The following SUMF1 variants were observed in gnomAD, a reference collection of about 807,000 sequenced individuals.
The protein encoded by SUMF1 is sulfatase modifying factor 1, also known as formylglycine-generating enzyme.
A neutral mutation model predicts 47.6 loss-of-function variants in SUMF1; 48 were observed. The ratio of observed to expected loss-of-function variants is 1.01; its 90% CI spans 0.80 to 1.28. The LOEUF (loss-of-function observed/expected upper bound fraction) is 1.28, where lower values mean the gene tolerates loss of function less well. Among genes scored for constraint, SUMF1 ranks in the 50% most tolerant of loss-of-function variants. SUMF1 has a pLI of 0.00. For synonymous variants in SUMF1, 230 were observed against 192.1 expected (o/e 1.20, Z -1.63); for missense variants, 571 against 485.4 (o/e 1.18, Z -1.66).
chr3:4,364,002 T>C (rs1267390498), intron 8 of SUMF1, among the ~76,000 whole-genome samples: 1 of 139,572 alleles, frequency 7.2e-6, no homozygotes, highest in Non-Finnish European at 1.5e-5. Context: ...TTGTCTTTGG[T>C]TCTGTTTATA....
intron 8 of SUMF1, among the ~76,000 whole-genome samples, chr3:4,349,277 C>G (rs1353308820): frequency 6.6e-6 from 1 of 152,106 alleles, no homozygotes; most frequent in Non-Finnish European, 1.5e-5. Context: ...CAGAGAAATA[C>G]AATGAGATAC....
chr3:4,293,510 T>A (rs559836581), intron 8 of SUMF1, among the ~76,000 whole-genome samples: 1 of 152,338 alleles, frequency 6.6e-6, no homozygotes, highest in South Asian at 2.1e-4. Context: ...ATAAATTGGT[T>A]ATTTCCTCGG....
Position 4,049,159 on chromosome 3 carries a change from A to C in SUMF1, c.1191+19410T>G, listed in dbSNP as rs142151743. 7.7e-3 allele frequency among the ~76,000 whole-genome samples: 1,170 copies of C among 152,296 alleles called. 18 individuals carry two copies. Among genetic ancestry groups the C allele is most frequent in the African/African-American group, 0.026 (1,069 of 41,568 alleles). On this transcript the variant is annotated intron_variant and NMD_transcript_variant, in intron 9 of 12. Coordinates refer to the SUMF1 transcript ENST00000448413. ...AAGGTTTGTTTCTCACTTGCACTACACAGACATTGCAGGCTGTCTGAGGTC... is the reference window on the plus strand; with the variant it reads ...AAGGTTTGTTTCTCACTTGCACTACCCAGACATTGCAGGCTGTCTGAGGTC...
chr3:4,063,525 G>A (rs1695314518), intron 9 of SUMF1, among the ~76,000 whole-genome samples: 2 of 152,018 alleles, frequency 1.3e-5, no homozygotes, highest in African/African-American at 2.4e-5. Flanking sequence ...ATAAATATGT[G>A]TAGCTTTTCC....
chr3:4,407,535 T>C (rs891195981), intron 7 of SUMF1, among the ~76,000 whole-genome samples: 3 of 152,062 alleles, frequency 2.0e-5, no homozygotes, highest in African/African-American at 7.2e-5. Flanking sequence ...GTCACCAAAC[T>C]CCCCCAATTC....
chr3:4,307,446 G>C (rs1477323729), intron 8 of SUMF1, among the ~76,000 whole-genome samples: 1 of 152,124 alleles, frequency 6.6e-6, no homozygotes, highest in African/African-American at 2.4e-5. Context: ...CAATTAGAGA[G>C]CCCTACAATC....
chr3:4,171,318 C>T (rs1019542041), intron 8 of SUMF1, among the ~76,000 whole-genome samples: 1 of 152,116 alleles, frequency 6.6e-6, no homozygotes, highest in African/African-American at 2.4e-5. Context: ...GGTCAGCACA[C>T]ATGAGTCTAT....
At chr3:4,216,349 T>A (rs1695923582) in intron 8 of SUMF1, among the ~76,000 whole-genome samples, 2 of 152,122 alleles carry the variant, frequency 1.3e-5, no homozygotes, top group African/African-American at 4.8e-5. Context: ...TGCAATAAAC[T>A]GAAACTGGAA....
At chr3:4,216,183 C>T (rs1429162977) in intron 8 of SUMF1, among the ~76,000 whole-genome samples, 2 of 152,060 alleles carry the variant, frequency 1.3e-5, no homozygotes, top group Non-Finnish European at 2.9e-5. Flanking sequence ...GTACTGGTAT[C>T]AAAACAGACA....
chr3:4,239,475 G>A (rs991278092), intron 8 of SUMF1, among the ~76,000 whole-genome samples: 1 of 152,068 alleles, frequency 6.6e-6, no homozygotes, highest in East Asian at 1.9e-4. Context: ...AGTTCTCCTC[G>A]AGGAGGTCCT....
intron 8 of SUMF1, among the ~76,000 whole-genome samples, chr3:4,081,158 G>A (rs1692552003): frequency 1.3e-5 from 2 of 152,114 alleles, no homozygotes; most frequent in South Asian, 4.1e-4. Context: ...AGAAACTAAA[G>A]TTCAGAGAAG....
At chr3:4,252,263 C>T (rs900537134) in intron 8 of SUMF1, among the ~76,000 whole-genome samples, 1 of 151,970 alleles carries the variant, frequency 6.6e-6, no homozygotes, top group Non-Finnish European at 1.5e-5. Context: ...AGTGTCATTT[C>T]TAGGACAACC....
chr3:4,321,470 TAAAAAAAAAAAAAA>T (rs1206478992), intron 8 of SUMF1, among the ~76,000 whole-genome samples: 1 of 63,736 alleles, frequency 1.6e-5, no homozygotes, highest in Non-Finnish European at 3.1e-5. Flanking sequence ...AAGGAAATGC[TAAAAAAAAAAAAAA>T]AAAAAAAAAG....
intron 8 of SUMF1, among the ~76,000 whole-genome samples, chr3:4,097,577 A>C (rs1039882451): frequency 6.6e-6 from 1 of 151,900 alleles, no homozygotes; most frequent in Admixed American, 6.6e-5. Flanking sequence ...AAAAACAAAA[A>C]ACACCTCTGG....
intron 8 of SUMF1, chr3:4,316,593 C>T (rs779326736): frequency 1.3e-6 from 2 of 1,551,210 alleles, no homozygotes; most frequent in African/African-American, 1.4e-5. Flanking sequence ...GACTGAAAAT[C>T]AAAAAAATCG....
intron 8 of SUMF1, among the ~76,000 whole-genome samples, chr3:4,088,479 C>T (rs1231744137): frequency 6.6e-6 from 1 of 152,090 alleles, no homozygotes; most frequent in Non-Finnish European, 1.5e-5. Flanking sequence ...AAGAGCCATC[C>T]ATTACCACAA....
chr3:4,303,622 C>G (rs1055735358), intron 8 of SUMF1: 1 of 1,388,780 alleles, frequency 7.2e-7, no homozygotes, highest in Non-Finnish European at 9.3e-7. Flanking sequence ...CAGTCGCGAC[C>G]TTTTGTCTTC....
chr3:4,351,934 A>G (rs768141954), intron 8 of SUMF1, among the ~76,000 whole-genome samples: 1 of 152,182 alleles, frequency 6.6e-6, no homozygotes, highest in Non-Finnish European at 1.5e-5. Context: ...CAAAATCTGA[A>G]GAAGAAATAG....
intron 8 of SUMF1, among the ~76,000 whole-genome samples, chr3:4,211,052 C>G (rs1383957206): frequency 2.1e-5 from 3 of 144,118 alleles, no homozygotes; most frequent in Non-Finnish European, 1.5e-5. Context: ...CTGCAGATGG[C>G]CTGTTGCAGG....
Sources: allele counts gnomAD v4.1 joint callset (sites outside exome capture counted in the v4.1 genomes callset), GRCh38; gene constraint gnomAD v4.1.1; transcripts MANE v1.5; gene names NCBI Gene and HGNC (gene_info 2026-07-23, HGNC 2026-07-21).